CRY2: variants seen among roughly 807,000 people sequenced by gnomAD.
CRY2 encodes the protein cryptochrome-2.
A neutral mutation model predicts 69.5 loss-of-function variants in CRY2; 31 were observed. The ratio of observed to expected loss-of-function variants is 0.45; its 90% CI spans 0.34 to 0.60. The LOEUF (loss-of-function observed/expected upper bound fraction) is 0.60. Ranked by LOEUF, CRY2 falls within the 20% of genes least tolerant of loss-of-function variation. CRY2 has a pLI of 0.02. For missense variants in CRY2, 606 were observed against 797.8 expected (o/e 0.76, Z 2.90); for synonymous variants, 303 against 312.2 (o/e 0.97, Z 0.31).
intron 1 of CRY2, among the ~76,000 whole-genome samples, chr11:45,854,025 G>T (rs117256734): frequency 6.6e-6 from 1 of 152,380 alleles, no homozygotes; most frequent in East Asian, 1.9e-4. Context: ...GGCATTGGCC[G>T]TAGGAGTGTG....
At chr11:45,853,439 A>G in intron 1 of CRY2, among the ~76,000 whole-genome samples, 1 of 152,214 alleles carries the variant, frequency 6.6e-6, no homozygotes, top group East Asian at 1.9e-4. Context: ...TAGAGATGCT[A>G]CGAGGAATCT....
intron 1 of CRY2, among the ~76,000 whole-genome samples, chr11:45,850,267 C>G (rs8181536): frequency 6.6e-6 from 1 of 151,716 alleles, no homozygotes; most frequent in Non-Finnish European, 1.5e-5. Context: ...GTCAACCTCC[C>G]GAAGTGCTGT....
At chr11:45,861,795 C>T in intron 4 of CRY2, 1 of 433,722 alleles carries the variant, frequency 2.3e-6, no homozygotes, top group African/African-American at 2.0e-5. Flanking sequence ...CAGTTGTTGC[C>T]AGCTAATCTG....
chr11:45,852,925 A>G (rs2086208761), intron 1 of CRY2, among the ~76,000 whole-genome samples: 1 of 152,248 alleles, frequency 6.6e-6, no homozygotes, highest in Non-Finnish European at 1.5e-5. Context: ...GCTGATTGTC[A>G]GACCACACTC....
intron 4 of CRY2, chr11:45,861,608 A>AT: frequency 5.6e-6 from 1 of 179,054 alleles, no homozygotes; most frequent in South Asian, 1.2e-4. Flanking sequence ...CGCCCAGCTA[A>AT]TATTTGTATT....
chr11:45,876,485 G>C (rs2086425537), intron 11 of CRY2, among the ~76,000 whole-genome samples: 2 of 152,344 alleles, frequency 1.3e-5, no homozygotes, highest in African/African-American at 2.4e-5. Context: ...CCCCAAAGCT[G>C]CTGACTGCTC....
intron 5 of CRY2, among the ~76,000 whole-genome samples, chr11:45,864,087 T>C (rs1178784723): frequency 6.6e-6 from 1 of 152,202 alleles, no homozygotes; most frequent in Non-Finnish European, 1.5e-5. Flanking sequence ...GTGCCCCCTG[T>C]AGTCTTGTCA....
rs1272582363 is a variant in CRY2 at position 45,872,165 on chromosome 11, A to G, written c.1716A>G (p.Glu572=). ...KLEAAEEPPG[E]ELSKRARVAE... is the part of the protein sequence containing the mutation. ...AAGCAGCCGAGGAACCACCTGGTGA[A>G]GAACTCAGCAAACGGGCCCGGGTGG... Residue 572 remains glutamate (E), a synonymous_variant, in exon 11 of 12, where the codon GAA becomes GAG. Coordinates refer to ENST00000616080, the MANE Select transcript of CRY2 (RefSeq NM_021117.5). 2.5e-6 allele frequency: 4 copies of G among 1,614,084 alleles called. No homozygotes were observed. In the Admixed American group the frequency reaches 5.0e-5, roughly 20 times the overall value.
At chr11:45,866,194 G>A (rs747190799) in intron 5 of CRY2, among the ~76,000 whole-genome samples, 2 of 152,206 alleles carry the variant, frequency 1.3e-5, no homozygotes, top group Non-Finnish European at 2.9e-5. Flanking sequence ...TCTCCCTTGA[G>A]CTGCCTGAGA....
At chr11:45,871,419 C>G (rs573078745) in intron 10 of CRY2, among the ~76,000 whole-genome samples, 2 of 151,994 alleles carry the variant, frequency 1.3e-5, no homozygotes, top group Non-Finnish European at 2.9e-5. Context: ...GCCTGATGTC[C>G]GAGACGAGGA....
chr11:45,861,239 C>A, intron 4 of CRY2: 2 of 569,882 alleles, frequency 3.5e-6, no homozygotes, highest in Non-Finnish European at 6.1e-6. Context: ...TGTTCATACT[C>A]ATACATGTAA....
intron 5 of CRY2, among the ~76,000 whole-genome samples, chr11:45,862,472 T>A (rs2086295648): frequency 1.3e-5 from 2 of 152,238 alleles, no homozygotes; most frequent in African/African-American, 4.8e-5. Flanking sequence ...AGAGGTTAAG[T>A]AACTTGCCTG....
intron 11 of CRY2, among the ~76,000 whole-genome samples, chr11:45,880,152 G>A (rs942921459): frequency 2.6e-5 from 4 of 152,168 alleles, no homozygotes; most frequent in African/African-American, 9.7e-5. Flanking sequence ...GGCTTAGTAA[G>A]CCTACTTATT....
intron 1 of CRY2, among the ~76,000 whole-genome samples, chr11:45,847,971 C>G (rs2086165677): frequency 6.6e-6 from 1 of 152,226 alleles, no homozygotes; most frequent in African/African-American, 2.4e-5. Context: ...AGATGAGACC[C>G]TTGAGCCCTG....
intron 2 of CRY2, among the ~76,000 whole-genome samples, chr11:45,857,144 A>G (rs1432500269): frequency 6.6e-6 from 1 of 152,190 alleles, no homozygotes; most frequent in Non-Finnish European, 1.5e-5. Context: ...AACCCCACAC[A>G]TAATTGTGCA....
At position 45,858,884 on chromosome 11, in the gene CRY2, G is replaced by A; in HGVS notation, c.467+11G>A. 1 of 1,611,236 alleles carries A rather than the reference G, an allele frequency of 6.2e-7. No individual in the cohort carries two copies. Among genetic ancestry groups the A allele is most frequent in the Non-Finnish European group, 8.5e-7 (1 of 1,178,740 alleles). ...CTATGACCTGGACAGGTAAGAGATG[G>A]GGCCCAGGGATCAGGTTACCAATTG... On this transcript the variant is annotated intron_variant, in intron 3 of 11. Transcript: ENST00000616080.
rs577280718 is a variant in CRY2 at position 45,881,413 on chromosome 11, C to G, written c.*502C>G. On this transcript the variant is annotated 3_prime_UTR_variant, in exon 12 of 12. Transcript: ENST00000616080. ...GAGTTCCTGCTTTCTGACCTGGAGGCTGAGCAGGCCGGAGTGGATGGATGC... is the reference window on the plus strand; with the variant it reads ...GAGTTCCTGCTTTCTGACCTGGAGGGTGAGCAGGCCGGAGTGGATGGATGC... 1 of 152,836 alleles carries G rather than the reference C, an allele frequency of 6.5e-6. No homozygotes were observed. Among genetic ancestry groups the G allele is most frequent in the Non-Finnish European group, 1.5e-5 (1 of 68,116 alleles). The allele number at this position is 152,836 out of a possible 1,614,324, so 9.5% of individuals were successfully genotyped here.
At chr11:45,862,857 G>A (rs948145774) in intron 5 of CRY2, among the ~76,000 whole-genome samples, 1 of 152,192 alleles carries the variant, frequency 6.6e-6, no homozygotes, top group Admixed American at 6.5e-5. Flanking sequence ...GTGTCACAAA[G>A]TCCTCACTCC....
chr11:45,882,704 G>A lies in CRY2; in HGVS notation c.*1793G>A. On this transcript the variant is annotated 3_prime_UTR_variant, in exon 12 of 12. Transcript: ENST00000616080. ...CCTGTTCCCTCAGCCCCAGTCGAGA[G>A]GAAAGAGAATCGGGCCACTGCCAGA... is the stretch of plus-strand genomic sequence containing the variant. 2 of 398,932 alleles carry A rather than the reference G, an allele frequency of 5.0e-6. No homozygotes were observed. Among genetic ancestry groups the A allele is most frequent in the Non-Finnish European group, 8.8e-6 (2 of 226,114 alleles). The allele number at this position is 398,932 out of a possible 1,614,324, so 24.7% of individuals were successfully genotyped here.
Sources: gnomAD v4.1 joint callset for allele counts (sites outside exome capture counted in the v4.1 genomes callset) on GRCh38, gnomAD v4.1.1 for gene constraint, MANE v1.5 for transcripts, NCBI Gene and HGNC (gene_info 2026-07-23, HGNC 2026-07-21) for gene names.